The following STK32B variants were observed in gnomAD, a reference collection of about 807,000 sequenced individuals.
STK32B encodes the protein serine/threonine-protein kinase 32B.
A neutral mutation model predicts 52.6 loss-of-function variants in STK32B; 43 were observed. That is an observed-to-expected ratio of 0.82 (90% CI 0.64 to 1.05). The LOEUF is 1.05. Among genes scored for constraint, STK32B ranks in the 50% least tolerant of loss-of-function variants. The probability of loss-of-function intolerance (pLI) is 0.00; values close to 1 mark genes in which losing one functional copy is unlikely to be tolerated. For missense variants in STK32B, 621 were observed against 534.6 expected, an observed-to-expected ratio of 1.16 and a Z score of -1.59; for synonymous variants, 238 against 204.3, an observed-to-expected ratio of 1.17 and a Z score of -1.41.
intron 3 of STK32B, among the ~76,000 whole-genome samples, chr4:5,196,030 G>T (rs529576983): frequency 6.6e-6 from 1 of 152,282 alleles, no homozygotes; most frequent in South Asian, 2.1e-4. Context: ...CCTGAGACCG[G>T]GCCTTTCATT....
At chr4:5,191,553 C>T (rs1721203753) in intron 3 of STK32B, among the ~76,000 whole-genome samples, 1 of 151,884 alleles carries the variant, frequency 6.6e-6, no homozygotes, top group Admixed American at 6.6e-5. Flanking sequence ...CGCGCCTTGC[C>T]TCCTGCATTC....
Position 5,394,218 on chromosome 4 carries a change from C to T in STK32B, c.435-3989C>T, listed in dbSNP as rs774051830. Among the ~76,000 whole-genome samples, 9 of 152,096 alleles carry T rather than the reference C, an allele frequency of 5.9e-5. No homozygotes were observed. The highest frequency in any genetic ancestry group is 1.4e-4 in the African/African-American group (6 of 41,392). ...CTGGGGAATAATTCAAGAGCAGCAC[C>T]GGGTTTTATAGCCCTGCATGCGTAC... On this transcript the variant is annotated intron_variant, in intron 4 of 11. Transcript: ENST00000282908. This position sits in a 1 kb window ranked among gnomAD's most constrained non-coding sequence, Gnocchi z 4.2.
intron 1 of STK32B, among the ~76,000 whole-genome samples, chr4:5,122,496 T>C (rs532851371): frequency 6.6e-6 from 1 of 152,108 alleles, no homozygotes; most frequent in South Asian, 2.1e-4. Flanking sequence ...TTCACACACA[T>C]TCACTCATTT....
In STK32B at chr4:5,060,272, GTTA is replaced by G. The variant is rs777796929; in HGVS notation, c.52+8363_52+8365del. Among the ~76,000 whole-genome samples the G allele has an allele frequency of 2.8e-4, 42 of 152,250 alleles. No individual in the cohort carries two copies. The East Asian group carries it at 3.7e-3, about 13-fold the overall frequency. The stretch of plus-strand genomic sequence containing the variant: ...TGAGCCACTGTGCCCGGCCAGGACT[GTTA>G]TTATTGATAAGTTTCAAGTTTATTG... On this transcript the variant is annotated intron_variant, in intron 1 of 11. Transcript: ENST00000282908.
At chr4:5,347,659 CAT>C (rs1560340675) in intron 4 of STK32B, among the ~76,000 whole-genome samples, 1 of 152,134 alleles carries the variant, frequency 6.6e-6, no homozygotes, top group African/African-American at 2.4e-5. Flanking sequence ...GTAATCCCCA[CAT>C]GTCAAAGAAG....
rs117886523 is a variant in STK32B at position 5,187,372 on chromosome 4, C to T, written c.260+18922C>T. Among the ~76,000 whole-genome samples, 4 of 152,186 alleles carry T rather than the reference C, an allele frequency of 2.6e-5. No homozygotes were observed. The East Asian group carries it at 7.7e-4, about 29-fold the overall frequency. On this transcript the variant is annotated intron_variant, in intron 3 of 11. Transcript: ENST00000282908. ...AATAGTAGTACCAGTACCATTTGTC[C>T]ATCACCTACAGCACATGGCTCTTTG...
At chr4:5,201,051 T>A (rs1722097926) in intron 3 of STK32B, among the ~76,000 whole-genome samples, 1 of 152,130 alleles carries the variant, frequency 6.6e-6, no homozygotes, top group Admixed American at 6.5e-5. Context: ...AACAAATGGA[T>A]TTTTAAAGCA....
At chr4:5,136,153 C>G (rs1043591814) in intron 1 of STK32B, among the ~76,000 whole-genome samples, 2 of 152,172 alleles carry the variant, frequency 1.3e-5, no homozygotes, top group Admixed American at 1.3e-4. Context: ...GGGCTGGCCA[C>G]AGTGATCCCT....
intron 1 of STK32B, among the ~76,000 whole-genome samples, chr4:5,080,383 A>C (rs1393385440): frequency 1.3e-5 from 2 of 152,128 alleles, no homozygotes; most frequent in Non-Finnish European, 2.9e-5. Context: ...CTGCTTCAGG[A>C]CATTTGCACT....
chr4:5,160,736 T>C (rs150302084), intron 2 of STK32B, among the ~76,000 whole-genome samples: 18 of 152,318 alleles, frequency 1.2e-4, no homozygotes, highest in African/African-American at 4.3e-4. Context: ...AAATCCCTGT[T>C]GTCATGGGGT....
At chr4:5,030,200 C>A in the STK32B span, among the ~76,000 whole-genome samples, 1 of 152,200 alleles carries the variant, frequency 6.6e-6, no homozygotes, top group African/African-American at 2.4e-5. Flanking sequence ...AAAACCAATA[C>A]ATGGACTAAT....
intron 1 of STK32B, among the ~76,000 whole-genome samples, chr4:5,137,779 T>C (rs562772994): frequency 3.7e-4 from 56 of 152,196 alleles, no homozygotes; most frequent in African/African-American, 1.3e-3. Context: ...AAATGGTTAG[T>C]TGGGGGTTGG....
chr4:5,122,889 C>T (rs1254501400), intron 1 of STK32B, among the ~76,000 whole-genome samples: 4 of 152,104 alleles, frequency 2.6e-5, no homozygotes, highest in African/African-American at 9.7e-5. Context: ...TGCCTGAGTC[C>T]CTTCTCCACC....
chr4:5,161,896 C>T (rs1027998271), intron 2 of STK32B, among the ~76,000 whole-genome samples: 1 of 151,964 alleles, frequency 6.6e-6, no homozygotes, highest in African/African-American at 2.4e-5. Context: ...GCATAACCAG[C>T]ATCTTTTAAT....
rs28710000 is a variant in STK32B at position 5,241,010 on chromosome 4, G to A, written c.260+72560G>A. Among the ~76,000 whole-genome samples, 537 of 152,218 alleles carry A rather than the reference G, an allele frequency of 3.5e-3. 4 individuals are homozygous for A. Among genetic ancestry groups the A allele is most frequent in the Middle Eastern group, 0.017 (5 of 294 alleles). On this transcript the variant is annotated intron_variant, in intron 3 of 11. Coordinates refer to ENST00000282908, the MANE Select transcript of STK32B (RefSeq NM_018401.3). ...CTTCCATCCTGTTCTTCTTCAAGAA[G>A]AATCTTCTTATCAGGTTAATTACTG...
intron 1 of STK32B, among the ~76,000 whole-genome samples, chr4:5,093,391 T>C (rs1376372703): frequency 6.6e-6 from 1 of 152,200 alleles, no homozygotes; most frequent in Non-Finnish European, 1.5e-5. Context: ...AAAAATTTCA[T>C]AGCCACCTCC....
At chr4:5,145,414 C>T (rs969486213) in intron 2 of STK32B, among the ~76,000 whole-genome samples, 2 of 152,134 alleles carry the variant, frequency 1.3e-5, no homozygotes, top group African/African-American at 4.8e-5. Context: ...CATTTATTGA[C>T]TTTTGAGAAA....
intron 6 of STK32B, among the ~76,000 whole-genome samples, chr4:5,438,936 C>A (rs1179820648): frequency 6.6e-6 from 1 of 151,810 alleles, no homozygotes; most frequent in Non-Finnish European, 1.5e-5. Flanking sequence ...ATGAACTCAT[C>A]ATTTTTTATG....
At chr4:5,479,228 T>A (rs1718490597) in intron 11 of STK32B, among the ~76,000 whole-genome samples, 1 of 151,100 alleles carries the variant, frequency 6.6e-6, no homozygotes, top group African/African-American at 2.4e-5. Flanking sequence ...CAAGCAATTC[T>A]CCTGCCTTAG....
Sources: gnomAD v4.1 joint callset for allele counts (sites outside exome capture counted in the v4.1 genomes callset) on GRCh38, gnomAD v4.1.1 for gene constraint, Gnocchi (gnomAD v3.1) non-coding constraint, MANE v1.5 for transcripts, NCBI Gene and HGNC (gene_info 2026-07-23, HGNC 2026-07-21) for gene names.